The following GNAQ variants were observed in gnomAD, a reference collection of about 807,000 sequenced individuals.
The protein encoded by GNAQ is G protein subunit alpha q.
A neutral mutation model predicts 43.9 loss-of-function variants in GNAQ; 8 were observed. That is an observed-to-expected ratio of 0.18 (90% CI 0.11 to 0.33). GNAQ has a LOEUF of 0.33. GNAQ is among the 10% of genes least tolerant of loss of function. The pLI is 1.00. For synonymous variants in GNAQ, 155 were observed against 170.7 expected (o/e 0.91, Z 0.71); for missense variants, 158 against 450.8 (o/e 0.35, Z 5.88).
chr9:78,021,821 A>T (rs1364263603), intron 1 of GNAQ, among the ~76,000 whole-genome samples: 1 of 152,224 alleles, frequency 6.6e-6, no homozygotes, highest in Non-Finnish European at 1.5e-5. Flanking sequence ...AAACAAAAAG[A>T]AGTAGTAAGT....
chr9:77,943,481 C>CA (rs1394285550), intron 1 of GNAQ, among the ~76,000 whole-genome samples: 2 of 152,082 alleles, frequency 1.3e-5, no homozygotes, highest in African/African-American at 4.8e-5. Context: ...ATATGGGTCA[C>CA]AATTCTCCCA....
intron 2 of GNAQ, among the ~76,000 whole-genome samples, chr9:77,842,725 A>T (rs1198856101): frequency 1.3e-5 from 2 of 152,002 alleles, no homozygotes; most frequent in Non-Finnish European, 2.9e-5. Context: ...AGCATCAGGG[A>T]CCTCCAGGCA....
At chr9:77,863,548 C>A (rs1328151618) in intron 2 of GNAQ, among the ~76,000 whole-genome samples, 1 of 152,198 alleles carries the variant, frequency 6.6e-6, no homozygotes, top group Non-Finnish European at 1.5e-5. Flanking sequence ...CCCACCTCTG[C>A]CTATTACCCA....
At chr9:77,996,993 C>T (rs1188038820) in intron 1 of GNAQ, among the ~76,000 whole-genome samples, 5 of 152,186 alleles carry the variant, frequency 3.3e-5, no homozygotes, top group Non-Finnish European at 5.9e-5. Context: ...AAAATATTCA[C>T]TACGTATTAT....
At chr9:77,881,196 C>A (rs760947157) in intron 2 of GNAQ, among the ~76,000 whole-genome samples, 19 of 151,534 alleles carry the variant, frequency 1.3e-4, no homozygotes, top group Non-Finnish European at 2.2e-4. Flanking sequence ...TTATGCCGCA[C>A]CCCCCCCAAA....
Position 77,754,566 on chromosome 9 carries a change from A to G in GNAQ, c.736-25899T>C, listed in dbSNP as rs571021051. Among the ~76,000 whole-genome samples, 251 of 152,332 alleles carry G rather than the reference A, an allele frequency of 1.6e-3. 1 individual carries two copies. Among genetic ancestry groups the G allele is most frequent in the African/African-American group, 5.7e-3 (237 of 41,572 alleles). ...ACTCTTCCTTAGGTGTATTAACAGA[A>G]TATCAATGGCAGATATAATGTGATC... is the stretch of plus-strand genomic sequence containing the variant. On this transcript the variant is annotated intron_variant, in intron 5 of 6. Coordinates refer to ENST00000286548, the MANE Select transcript of GNAQ (RefSeq NM_002072.5).
At chr9:77,942,826 T>C (rs1829333860) in intron 1 of GNAQ, among the ~76,000 whole-genome samples, 1 of 152,194 alleles carries the variant, frequency 6.6e-6, no homozygotes, top group African/African-American at 2.4e-5. Flanking sequence ...CTTGTAAAAA[T>C]ACAGGTTATA....
At chr9:78,027,901 A>ACAG (rs1824002277) in intron 1 of GNAQ, among the ~76,000 whole-genome samples, 1 of 152,180 alleles carries the variant, frequency 6.6e-6, no homozygotes, top group Non-Finnish European at 1.5e-5. Context: ...GAACAGGTTA[A>ACAG]CAGGAAAAAA....
chr9:77,909,960 GAT>G (rs1301729523), intron 2 of GNAQ, among the ~76,000 whole-genome samples: 4 of 151,954 alleles, frequency 2.6e-5, no homozygotes, highest in Non-Finnish European at 5.9e-5. Flanking sequence ...TTCATGTTTG[GAT>G]ATACATGCTT....
At chr9:77,874,627 T>C (rs1051925170) in intron 2 of GNAQ, among the ~76,000 whole-genome samples, 6 of 151,920 alleles carry the variant, frequency 3.9e-5, no homozygotes, top group Non-Finnish European at 7.4e-5. Context: ...CTCAACTAAA[T>C]TTTTTTTCTT....
chr9:77,727,828 GTGGGCTCTTAACTTCAA>G, intron 6 of GNAQ, among the ~76,000 whole-genome samples: 1 of 152,132 alleles, frequency 6.6e-6, no homozygotes, highest in South Asian at 2.1e-4. Flanking sequence ...GATTTCAGTG[GTGGGCTCTTAACTTCAA>G]AATTGTGTTC....
chr9:77,988,742 A>G (rs563245901), intron 1 of GNAQ, among the ~76,000 whole-genome samples: 3 of 152,222 alleles, frequency 2.0e-5, no homozygotes, highest in Non-Finnish European at 4.4e-5. Context: ...CACATGTTAT[A>G]AAAGGTCAAT....
intron 2 of GNAQ, among the ~76,000 whole-genome samples, chr9:77,880,186 A>G (rs1377309289): frequency 6.6e-6 from 1 of 152,190 alleles, no homozygotes; most frequent in African/African-American, 2.4e-5. Context: ...TGAACTGTTC[A>G]CTGAACTCCC....
intron 5 of GNAQ, among the ~76,000 whole-genome samples, chr9:77,743,590 C>T (rs190655382): frequency 1.3e-5 from 2 of 152,222 alleles, no homozygotes; most frequent in African/African-American, 4.8e-5. Context: ...TATTCAGGAA[C>T]AATGTGTGTT....
chr9:77,920,276 G>A (rs1298274740), intron 2 of GNAQ, among the ~76,000 whole-genome samples: 1 of 152,042 alleles, frequency 6.6e-6, no homozygotes, highest in Non-Finnish European at 1.5e-5. Flanking sequence ...ATATGGGCAA[G>A]GTCCTGTCTT....
At chr9:77,918,084 A>G (rs1828940180) in intron 2 of GNAQ, among the ~76,000 whole-genome samples, 1 of 152,208 alleles carries the variant, frequency 6.6e-6, no homozygotes, top group South Asian at 2.1e-4. Context: ...AAGCAGGAGC[A>G]ACAGAAACCT....
intron 2 of GNAQ, among the ~76,000 whole-genome samples, chr9:77,901,279 A>T (rs1327528847): frequency 6.6e-6 from 1 of 152,126 alleles, no homozygotes; most frequent in Non-Finnish European, 1.5e-5. Context: ...GGTTAGAATC[A>T]ATCTCCAGGA....
At chr9:77,892,052 T>C (rs1828414223) in intron 2 of GNAQ, among the ~76,000 whole-genome samples, 1 of 152,200 alleles carries the variant, frequency 6.6e-6, no homozygotes, top group South Asian at 2.1e-4. Flanking sequence ...GTTTGTTTGT[T>C]TGCTAATAGG....
intron 5 of GNAQ, among the ~76,000 whole-genome samples, chr9:77,779,998 A>C (rs180871468): frequency 6.6e-6 from 1 of 152,078 alleles, no homozygotes; most frequent in Admixed American, 6.5e-5. Flanking sequence ...ACAATGTTTT[A>C]AAATTGGCAC....
Sources: allele counts gnomAD v4.1 joint callset (sites outside exome capture counted in the v4.1 genomes callset), GRCh38; gene constraint gnomAD v4.1.1; transcripts MANE v1.5; gene names NCBI Gene and HGNC (gene_info 2026-07-23, HGNC 2026-07-21).